KNOP1: variants seen among roughly 807,000 people sequenced by gnomAD.
The protein encoded by KNOP1 is lysine-rich nucleolar protein 1.
A neutral mutation model predicts 30.6 loss-of-function variants in KNOP1; 20 were observed. That is an observed-to-expected ratio of 0.65 (90% CI 0.46 to 0.95). The LOEUF is 0.95. Ranked by LOEUF, KNOP1 falls within the 40% of genes least tolerant of loss-of-function variation. The pLI, the probability that KNOP1 is intolerant of heterozygous loss-of-function variation, is 0.00. For synonymous variants in KNOP1, 204 were observed against 210.0 expected, an observed-to-expected ratio of 0.97 and a Z score of 0.25; for missense variants, 540 against 562.0, an observed-to-expected ratio of 0.96 and a Z score of 0.40.
rs373712856 is a variant in KNOP1, at chr16:19,714,277, C to T, written c.759G>A (p.Pro253=). ...GGTCATCACTTATGGGGATGTATTC[C>T]GGAGCCTCAACTTTGACTGGCTTCT... The part of the protein sequence containing the change: ...SKKKPVKVEA[P]EYIPISDDPK... The change falls in exon 2 of 5, where the codon CCG becomes CCA. Residue 253 remains proline, a synonymous_variant. Transcript: ENST00000219837. 22 of 1,614,118 alleles carry T rather than the reference C, an allele frequency of 1.4e-5. No homozygotes were observed. Among genetic ancestry groups the T allele is most frequent in the South Asian group, 2.2e-5 (2 of 91,074 alleles).
chr16:19,704,428 GT>G lies in KNOP1; in HGVS notation c.*2481del. The G allele has an allele frequency of 6.6e-6, 1 of 152,226 alleles. No individual in the cohort carries two copies. The highest frequency in any genetic ancestry group is 2.1e-4 in the South Asian group (1 of 4,822). The allele number at this position is 152,226 out of a possible 1,614,324, so 9.4% of individuals were successfully genotyped here. On this transcript the variant is annotated 3_prime_UTR_variant, in exon 5 of 5. Transcript: ENST00000219837. ...AGAGCTAAGGCAGGCCAACGTCAGG[GT>G]GACCTCTTGGCAAGATAAAAACTAT...
chr16:19,707,022 C>A lies in KNOP1; in HGVS notation c.1265G>T (p.Arg422Leu). ...LQQNLQRDYD[R>L]AMSWKYSRGA... The stretch of plus-strand genomic sequence containing the variant: ...CCGGCTGTACTTCCAGCTCATGGCC[C>A]GGTCGTAGTCCCGCTGCAGATTCTG... Residue 422 changes from arginine to leucine, a missense_variant, in exon 5 of 5, where the codon CGG (arginine) becomes CTG (leucine). Arg to Leu is a moderately radical substitution (Grantham distance 102). Transcript: ENST00000219837. The A allele has an allele frequency of 6.2e-7, 1 of 1,614,116 alleles. No homozygotes were observed. Among genetic ancestry groups the A allele is most frequent in the Non-Finnish European group, 8.5e-7 (1 of 1,180,020 alleles).
chr16:19,712,508 G>A (rs1171571229), intron 2 of KNOP1, among the ~76,000 whole-genome samples: 1 of 152,150 alleles, frequency 6.6e-6, no homozygotes, highest in Non-Finnish European at 1.5e-5. Flanking sequence ...AGGGATAAAT[G>A]CCAACTTCAG....
In KNOP1 at chr16:19,711,875, T is replaced by A. The variant is rs74611847; in HGVS notation, c.919-435A>T. ...CATGCTCTCCCACCCGCCTTGGCCCTGAAGACACCCTCCAACAGCGAGACC... is the reference window on the plus strand; with the variant it reads ...CATGCTCTCCCACCCGCCTTGGCCCAGAAGACACCCTCCAACAGCGAGACC... On this transcript the variant is annotated intron_variant, in intron 2 of 4. Coordinates refer to ENST00000219837, the MANE Select transcript of KNOP1 (RefSeq NM_001012991.3). 7.5e-5 allele frequency: 14 copies of A among 186,518 alleles called. No homozygotes were observed. In the East Asian group the frequency reaches 2.0e-3, roughly 27 times the overall value. The allele number at this position is 186,518 out of a possible 1,614,324, so 11.6% of individuals were successfully genotyped here.
At chr16:19,707,607 T>G (rs1267209057) in intron 4 of KNOP1, among the ~76,000 whole-genome samples, 1 of 129,240 alleles carries the variant, frequency 7.7e-6, no homozygotes. Flanking sequence ...AACAGCGCAC[T>G]CCCCCCACCA....
chr16:19,704,962 C>A lies in KNOP1; in HGVS notation c.*1948G>T. 1 of 345,234 alleles carries A rather than the reference C, an allele frequency of 2.9e-6. No homozygotes were observed. Among genetic ancestry groups the A allele is most frequent in the East Asian group, 7.8e-5 (1 of 12,850 alleles). The allele number at this position is 345,234 out of a possible 1,614,324, so 21.4% of individuals were successfully genotyped here. ...AGCTGTGGACACCATGGCCACTTCA[C>A]CAGCATCCACTCTTCTTGACTGAAG... On this transcript the variant is annotated 3_prime_UTR_variant, in exon 5 of 5. Coordinates refer to ENST00000219837, the MANE Select transcript of KNOP1 (RefSeq NM_001012991.3).
At chr16:19,711,296 G>A (rs1015097480) in intron 3 of KNOP1, 76 bp downstream of exon 3, 233 of 1,469,986 alleles carry the variant, frequency 1.6e-4, no homozygotes, top group Middle Eastern at 2.2e-4. Context: ...CACCTAGCCA[G>A]CCTGGCAGGC....
chr16:19,710,206 C>T (rs1007992509), intron 4 of KNOP1: 2 of 448,360 alleles, frequency 4.5e-6, no homozygotes, highest in East Asian at 4.1e-5. Flanking sequence ...GGCAAGAGCT[C>T]GCTGGAATGT....
chr16:19,707,941 A>C (rs566508996), intron 4 of KNOP1, among the ~76,000 whole-genome samples: 3 of 35,790 alleles, frequency 8.4e-5, no homozygotes, highest in Non-Finnish European at 9.5e-5. Context: ...CACTTCCCCC[A>C]CTCCCTATAC....
chr16:19,710,442 G>C (rs1200009306), intron 4 of KNOP1, 67 bp downstream of exon 4: 1 of 1,500,700 alleles, frequency 6.7e-7, no homozygotes, highest in South Asian at 1.1e-5. Context: ...CCTCATGCTG[G>C]AGGCGAGGGG....
chr16:19,716,982 A>G (rs1977149999), intron 1 of KNOP1, among the ~76,000 whole-genome samples: 1 of 152,170 alleles, frequency 6.6e-6, no homozygotes, highest in East Asian at 1.9e-4. Context: ...AGCCGGGATT[A>G]CAGGCACATA....
At position 19,715,002 on chromosome 16, in the gene KNOP1, G is replaced by T; in HGVS notation, c.34C>A (p.Leu12Ile). 1 of 1,583,890 alleles carries T rather than the reference G, an allele frequency of 6.3e-7. No homozygotes were observed. Among genetic ancestry groups the T allele is most frequent in the Non-Finnish European group, 8.5e-7 (1 of 1,169,774 alleles). The change falls in exon 2 of 5, where the codon CTC becomes ATC. Residue 12 changes from leucine (L) to isoleucine (I), a missense_variant. By Grantham distance (5) the Leu-to-Ile change is conservative (BLOSUM62 2). Coordinates refer to ENST00000219837, the MANE Select transcript of KNOP1 (RefSeq NM_001012991.3). ...TTCTTCTTCTTTTTCTTCTCTGGGAGCCCAAGGTCTACTTTGTGTGTCTTG... is the reference window on the plus strand; with the variant it reads ...TTCTTCTTCTTTTTCTTCTCTGGGATCCCAAGGTCTACTTTGTGTGTCTTG... ...ITKTHKVDLGLPEKKKKKKVV... is the reference protein window; with the variant it reads ...ITKTHKVDLGIPEKKKKKKVV...
intron 4 of KNOP1, among the ~76,000 whole-genome samples, chr16:19,708,318 C>G (rs1976526620): frequency 6.6e-6 from 1 of 150,818 alleles, no homozygotes; most frequent in Non-Finnish European, 1.5e-5. Flanking sequence ...GGAGAGCCCT[C>G]CAGACCCCCT....
At position 19,704,980 on chromosome 16, in the gene KNOP1, G is replaced by T. The variant is rs564133926; in HGVS notation, c.*1930C>A. The T allele has an allele frequency of 3.5e-4, 125 of 356,156 alleles. No individual in the cohort carries two copies. The highest frequency in any genetic ancestry group is 5.3e-4 in the Non-Finnish European group (96 of 179,446). 22.1% of individuals were successfully genotyped at this position (356,156 alleles called of 1,614,324 possible). A position where few individuals can be genotyped will look rare whatever the true frequency, so the allele number is the denominator to read the frequency against. On this transcript the variant is annotated 3_prime_UTR_variant, in exon 5 of 5. Coordinates refer to ENST00000219837, the MANE Select transcript of KNOP1 (RefSeq NM_001012991.3). Reference sequence around the variant, plus strand: ...CACTTCACCAGCATCCACTCTTCTTGACTGAAGGGAATCACCAGCCTTCCC... The same window carrying T: ...CACTTCACCAGCATCCACTCTTCTTTACTGAAGGGAATCACCAGCCTTCCC...
chr16:19,710,370 G>A, intron 4 of KNOP1, 139 bp downstream of exon 4: 1 of 808,368 alleles, frequency 1.2e-6, no homozygotes, highest in Non-Finnish European at 2.1e-6. Flanking sequence ...GCTGTGGAGG[G>A]AGCCTGCTGC....
rs1976943677 is a variant in KNOP1 at position 19,714,968 on chromosome 16, T to G, written c.68A>C (p.Lys23Thr). Residue 23 changes from lysine (K) to threonine (T), a missense_variant, in exon 2 of 5, where the codon AAA (lysine) becomes ACA (threonine). By Grantham distance (78) the Lys-to-Thr change is moderately conservative. Transcript: ENST00000219837. ...AACTGAGTATCGAGTCTCTGGTTCTTTGACCACTTTCTTCTTCTTTTTCTT... is the reference window on the plus strand; with the variant it reads ...AACTGAGTATCGAGTCTCTGGTTCTGTGACCACTTTCTTCTTCTTTTTCTT... Reference protein sequence around the residue: ...PEKKKKKKVVKEPETRYSVLN... With the variant: ...PEKKKKKKVVTEPETRYSVLN... 1 of 1,601,016 alleles carries G rather than the reference T, an allele frequency of 6.2e-7. No homozygotes were observed. Among genetic ancestry groups the G allele is most frequent in the East Asian group, 2.2e-5 (1 of 44,838 alleles).
chr16:19,717,783 C>G (rs915335199), intron 1 of KNOP1: 5 of 993,694 alleles, frequency 5.0e-6, no homozygotes, highest in African/African-American at 1.8e-5. Flanking sequence ...CCAAAGCCAG[C>G]AAGTGGAAAA....
intron 2 of KNOP1, 81 bp downstream of exon 2, chr16:19,714,030 TACAAACA>T: frequency 8.4e-7 from 1 of 1,188,240 alleles, no homozygotes; most frequent in Non-Finnish European, 1.2e-6. Flanking sequence ...CTCGTGCATG[TACAAACA>T]TGCACACACG....
At chr16:19,708,171 ACT>A in intron 4 of KNOP1, among the ~76,000 whole-genome samples, 2 of 151,700 alleles carry the variant, frequency 1.3e-5, no homozygotes, top group South Asian at 4.2e-4. Context: ...TCTCAGAAGC[ACT>A]GTTTTATGGC....
Sources: gnomAD v4.1 joint callset for allele counts (sites outside exome capture counted in the v4.1 genomes callset) on GRCh38, gnomAD v4.1.1 for gene constraint, MANE v1.5 for transcripts, NCBI Gene and HGNC (gene_info 2026-07-23, HGNC 2026-07-21) for gene names.